The following REDIC1 variants were observed in gnomAD, a reference collection of about 807,000 sequenced individuals.
REDIC1 encodes the protein regulator of DNA class I crossover intermediates 1.
the REDIC1 span, among the ~76,000 whole-genome samples, chr12:39,744,617 G>A: frequency 6.6e-6 from 1 of 151,976 alleles, no homozygotes; most frequent in Non-Finnish European, 1.5e-5. Context: ...AAGTGGAATT[G>A]GATTAGTAGT....
the REDIC1 span, among the ~76,000 whole-genome samples, chr12:39,813,225 CTGTT>C: frequency 1.3e-5 from 2 of 151,796 alleles, no homozygotes; most frequent in Non-Finnish European, 2.9e-5. Context: ...TTTATCTATT[CTGTT>C]TGTTTCTTAG....
chr12:39,747,667 C>T, the REDIC1 span, among the ~76,000 whole-genome samples: 1 of 152,160 alleles, frequency 6.6e-6, no homozygotes, highest in Non-Finnish European at 1.5e-5. Context: ...ATGTTAAGGG[C>T]AGCCAGAGAG....
chr12:39,633,177 C>T, the REDIC1 span, among the ~76,000 whole-genome samples: 3 of 151,984 alleles, frequency 2.0e-5, no homozygotes, highest in African/African-American at 7.2e-5. Flanking sequence ...TTCATAATAA[C>T]ACTTTGCTTA....
chr12:39,632,409 T>C, the REDIC1 span, among the ~76,000 whole-genome samples: 1 of 152,156 alleles, frequency 6.6e-6, no homozygotes, highest in East Asian at 1.9e-4. Flanking sequence ...GAAATAAGTT[T>C]ATTTTTGAAA....
At chr12:39,744,567 G>A in the REDIC1 span, among the ~76,000 whole-genome samples, 1 of 152,176 alleles carries the variant, frequency 6.6e-6, no homozygotes, top group Non-Finnish European at 1.5e-5. Flanking sequence ...AATAGCGTAA[G>A]GCACTTGCAG....
At chr12:39,749,215 C>A in the REDIC1 span, among the ~76,000 whole-genome samples, 5 of 151,992 alleles carry the variant, frequency 3.3e-5, no homozygotes, top group Admixed American at 2.6e-4. Context: ...CAAATAGACA[C>A]AACAAAAAAT....
chr12:39,640,321 A>G, the REDIC1 span, among the ~76,000 whole-genome samples: 7 of 151,932 alleles, frequency 4.6e-5, no homozygotes, highest in Non-Finnish European at 7.4e-5. Flanking sequence ...CATTCACCAG[A>G]TATCAAATCT....
chr12:39,653,539 T>C, the REDIC1 span, among the ~76,000 whole-genome samples: 13,083 of 52,250 alleles, frequency 0.25, 2,834 homozygotes, highest in Non-Finnish European at 0.28. Context: ...TCTTCTTCTT[T>C]TTCTTCTTCT....
chr12:39,736,248 T>G, the REDIC1 span, among the ~76,000 whole-genome samples: 1 of 152,200 alleles, frequency 6.6e-6, no homozygotes, highest in African/African-American at 2.4e-5. Context: ...GTATCTTTCT[T>G]TTGCCTTTAT....
the REDIC1 span, among the ~76,000 whole-genome samples, chr12:39,700,307 A>G: frequency 6.6e-6 from 1 of 152,198 alleles, no homozygotes; most frequent in South Asian, 2.1e-4. Flanking sequence ...AAGCCTCAGG[A>G]GCCGATGCGA....
chr12:39,780,765 A>G, the REDIC1 span, among the ~76,000 whole-genome samples: 1 of 152,218 alleles, frequency 6.6e-6, no homozygotes, highest in Non-Finnish European at 1.5e-5. Context: ...GCAGTCTTTT[A>G]ATAATACATA....
At chr12:39,840,414 C>T in the REDIC1 span, among the ~76,000 whole-genome samples, 1 of 151,970 alleles carries the variant, frequency 6.6e-6, no homozygotes, top group Non-Finnish European at 1.5e-5. Context: ...AAAGAGCTTC[C>T]CATTGCCTAT....
chr12:39,680,123 A>G, the REDIC1 span, among the ~76,000 whole-genome samples: 1 of 152,222 alleles, frequency 6.6e-6, no homozygotes, highest in African/African-American at 2.4e-5. Flanking sequence ...AAAAACAAAA[A>G]TAAACAAATG....
chr12:39,883,964 G>A, the REDIC1 span, among the ~76,000 whole-genome samples: 1 of 152,114 alleles, frequency 6.6e-6, no homozygotes, highest in Non-Finnish European at 1.5e-5. Flanking sequence ...CTATCTCCTG[G>A]TGGTGAGATT....
the REDIC1 span, among the ~76,000 whole-genome samples, chr12:39,792,996 T>A: frequency 6.6e-6 from 1 of 152,158 alleles, no homozygotes; most frequent in Non-Finnish European, 1.5e-5. Context: ...GTGTTTTCTA[T>A]GACTGGTTAA....
At chr12:39,845,693 A>G in the REDIC1 span, among the ~76,000 whole-genome samples, 1 of 152,156 alleles carries the variant, frequency 6.6e-6, no homozygotes, top group Non-Finnish European at 1.5e-5. Context: ...AGATAGCATC[A>G]TGTCCTCTGA....
At chr12:39,726,493 C>T in the REDIC1 span, among the ~76,000 whole-genome samples, 2 of 152,190 alleles carry the variant, frequency 1.3e-5, no homozygotes, top group Admixed American at 1.3e-4. Context: ...GACATGGACT[C>T]ATCCTCTTTT....
the REDIC1 span, among the ~76,000 whole-genome samples, chr12:39,797,144 A>C: frequency 6.6e-6 from 1 of 152,184 alleles, no homozygotes; most frequent in Non-Finnish European, 1.5e-5. Context: ...GTTATTTGTA[A>C]AAATTCTGAT....
the REDIC1 span, among the ~76,000 whole-genome samples, chr12:39,795,576 T>G: frequency 6.8e-4 from 103 of 152,292 alleles, 3 homozygotes; most frequent in East Asian, 0.015. Flanking sequence ...GTTACTCATT[T>G]TCTTTGGACT....
Sources: allele counts gnomAD v4.1 joint callset (sites outside exome capture counted in the v4.1 genomes callset), GRCh38; gene constraint gnomAD v4.1.1; transcripts MANE v1.5; gene names NCBI Gene and HGNC (gene_info 2026-07-23, HGNC 2026-07-21).